SP100: variants seen among roughly 807,000 people sequenced by gnomAD.
SP100 encodes SP100 nuclear body protein, also known as nuclear autoantigen Sp-100.
SP100 carries 84 observed loss-of-function variants against 130.0 expected under a neutral mutation model. That is an observed-to-expected ratio of 0.65 (90% confidence interval 0.54 to 0.77). The LOEUF (loss-of-function observed/expected upper bound fraction) is 0.77. SP100 is among the 30% of genes least tolerant of loss of function. SP100 has a pLI of 0.00. For missense variants in SP100, 978 were observed against 1,052.2 expected, an observed-to-expected ratio of 0.93 and a Z score of 0.97; for synonymous variants, 331 against 351.7, an observed-to-expected ratio of 0.94 and a Z score of 0.66.
intron 8 of SP100, among the ~76,000 whole-genome samples, chr2:230,457,285 C>A (rs1675351189): frequency 6.6e-6 from 1 of 152,244 alleles, no homozygotes; most frequent in South Asian, 2.1e-4. Flanking sequence ...GCTATTGAAG[C>A]CAGCTTGCTG....
At chr2:230,530,954 C>T (rs1037784734) in intron 24 of SP100, among the ~76,000 whole-genome samples, 4 of 152,230 alleles carry the variant, frequency 2.6e-5, no homozygotes, top group Non-Finnish European at 5.9e-5. Flanking sequence ...AATAGGAATG[C>T]TTTTACACTG....
chr2:230,425,904 T>G (rs1212233984), intron 2 of SP100, among the ~76,000 whole-genome samples: 1 of 152,096 alleles, frequency 6.6e-6, no homozygotes, highest in African/African-American at 2.4e-5. Flanking sequence ...TAATGGAAAG[T>G]TGTTTACTTA....
intron 17 of SP100, among the ~76,000 whole-genome samples, chr2:230,493,383 A>AT (rs970393472): frequency 9.9e-5 from 15 of 151,988 alleles, no homozygotes; most frequent in Non-Finnish European, 2.2e-4. Context: ...ATGCCAGCTA[A>AT]TTTTTTTATT....
intron 19 of SP100, among the ~76,000 whole-genome samples, chr2:230,502,436 G>A (rs2150064983): frequency 6.6e-6 from 1 of 152,246 alleles, no homozygotes; most frequent in South Asian, 2.1e-4. Flanking sequence ...AAAGAAAATT[G>A]TCAACACTTT....
chr2:230,463,837 T>G, intron 10 of SP100: 1 of 332,198 alleles, frequency 3.0e-6, no homozygotes. Context: ...AAAAGAAGCG[T>G]GGGAAAGCAA....
intron 24 of SP100, among the ~76,000 whole-genome samples, chr2:230,522,158 A>C (rs921211533): frequency 2.0e-5 from 3 of 152,102 alleles, no homozygotes; most frequent in Non-Finnish European, 4.4e-5. Flanking sequence ...AAAAAGCCCA[A>C]CCGATGGAGA....
intron 23 of SP100, chr2:230,508,331 T>TA (rs60819390): frequency 2.4e-5 from 8 of 326,684 alleles, no homozygotes; most frequent in African/African-American, 1.6e-4. Context: ...TTTTTTTTTT[T>TA]AAGAGAAAGA....
chr2:230,522,458 C>T (rs1400022673), intron 24 of SP100, among the ~76,000 whole-genome samples: 1 of 136,786 alleles, frequency 7.3e-6, no homozygotes, highest in East Asian at 2.1e-4. Flanking sequence ...TCCTTTAGTG[C>T]TCTTTGGCCC....
chr2:230,479,631 A>G (rs1446465672), intron 17 of SP100, among the ~76,000 whole-genome samples: 3 of 152,198 alleles, frequency 2.0e-5, no homozygotes, highest in Non-Finnish European at 2.9e-5. Flanking sequence ...GTCCATCACT[A>G]TTGGAGTAAA....
intron 17 of SP100, among the ~76,000 whole-genome samples, chr2:230,479,335 T>C (rs541100816): frequency 1.1e-4 from 16 of 152,356 alleles, no homozygotes; most frequent in South Asian, 6.2e-4. Flanking sequence ...ATTGCTACTG[T>C]TTATAGGCTA....
chr2:230,462,767 A>G, intron 10 of SP100: 8 of 462,686 alleles, frequency 1.7e-5, no homozygotes, highest in South Asian at 1.7e-4. Context: ...ATACCCATAC[A>G]TTGATTATAT....
At chr2:230,425,784 A>G (rs2062912372) in intron 2 of SP100, among the ~76,000 whole-genome samples, 1 of 150,338 alleles carries the variant, frequency 6.7e-6, no homozygotes. Context: ...TTAGTTTGGA[A>G]CTGTTCCTTG....
At chr2:230,433,063 C>T (rs2063144382) in intron 2 of SP100, among the ~76,000 whole-genome samples, 1 of 152,094 alleles carries the variant, frequency 6.6e-6, no homozygotes, top group Admixed American at 6.5e-5. Context: ...ACAGTGAAAG[C>T]AGAACACTAA....
chr2:230,516,563 G>A (rs1244596071), intron 24 of SP100: 4 of 152,122 alleles, frequency 2.6e-5, no homozygotes, highest in Non-Finnish European at 5.9e-5. Flanking sequence ...GCTGGTGTTG[G>A]GTTAGCAATC....
chr2:230,535,195 C>CGAA (rs1691877529), intron 24 of SP100, among the ~76,000 whole-genome samples: 1 of 145,872 alleles, frequency 6.9e-6, no homozygotes, highest in Non-Finnish European at 1.5e-5. Flanking sequence ...GACTCCATCT[C>CGAA]AAAAAAAAAA....
At chr2:230,417,295 T>A (rs1294317623) in intron 1 of SP100, among the ~76,000 whole-genome samples, 1 of 152,206 alleles carries the variant, frequency 6.6e-6, no homozygotes, top group African/African-American at 2.4e-5. Context: ...CTTATTTTAA[T>A]AGTGGAAAAC....
At chr2:230,459,148 A>C (rs1334450857) in intron 8 of SP100, among the ~76,000 whole-genome samples, 2 of 152,194 alleles carry the variant, frequency 1.3e-5, no homozygotes, top group Non-Finnish European at 2.9e-5. Context: ...AAAAACATAG[A>C]GGGAAATAAA....
intron 24 of SP100, among the ~76,000 whole-genome samples, chr2:230,531,643 T>C (rs1365210551): frequency 6.6e-6 from 1 of 152,278 alleles, no homozygotes; most frequent in African/African-American, 2.4e-5. Context: ...AAGCCAGATG[T>C]AGTGTGGAGC....
intron 5 of SP100, among the ~76,000 whole-genome samples, chr2:230,447,797 T>G (rs1292707183): frequency 1.3e-5 from 2 of 152,162 alleles, no homozygotes; most frequent in African/African-American, 2.4e-5. Flanking sequence ...ACAGCCTGGA[T>G]TGATTAAATC....
Sources: allele counts gnomAD v4.1 joint callset (sites outside exome capture counted in the v4.1 genomes callset), GRCh38; gene constraint gnomAD v4.1.1; transcripts MANE v1.5; gene names NCBI Gene and HGNC (gene_info 2026-07-23, HGNC 2026-07-21).